COL7A1: variants seen among roughly 807,000 people sequenced by gnomAD.
The protein encoded by COL7A1 is collagen type VII alpha 1 chain.
A neutral mutation model predicts 456.2 loss-of-function variants in COL7A1; 296 were observed. That is an observed-to-expected ratio of 0.65 (90% CI 0.59 to 0.71). The LOEUF (loss-of-function observed/expected upper bound fraction) is 0.71. Ranked by LOEUF, COL7A1 falls within the 30% of genes least tolerant of loss-of-function variation. The pLI, the probability that COL7A1 is intolerant of heterozygous loss-of-function variation, is 0.00. For synonymous variants in COL7A1, 1,464 were observed against 1,525.9 expected, an observed-to-expected ratio of 0.96 and a Z score of 0.95; for missense variants, 3,441 against 4,017.2, an observed-to-expected ratio of 0.86 and a Z score of 3.88.
In COL7A1 at chr3:48,568,413, T is replaced by C; in HGVS notation, c.7794+86A>G. 1 of 1,411,758 alleles carries C rather than the reference T, an allele frequency of 7.1e-7. No homozygotes were observed. The highest frequency in any genetic ancestry group is 9.8e-7 in the Non-Finnish European group (1 of 1,020,490). The allele number at this position is 1,411,758 out of a possible 1,614,324, so 87.5% of individuals were successfully genotyped here. ...ATGAGAGCACTGGGTCACTATAAGG[T>C]CAAAAGCTACCACACTGGTGGGACC... On this transcript the variant is annotated intron_variant, in intron 105 of 118. Transcript: ENST00000681320. This position sits in a 1 kb window ranked among gnomAD's most constrained non-coding sequence, Gnocchi z 5.2.
intron 71 of COL7A1, 24 bp downstream of exon 71, chr3:48,576,225 G>A (rs760218941): frequency 5.0e-6 from 8 of 1,613,120 alleles, no homozygotes; most frequent in Non-Finnish European, 6.8e-6. Context: ...ACAGAGTCAA[G>A]GGGACATCCC....
In COL7A1 at chr3:48,567,710, C is replaced by T. The variant is rs1172416954; in HGVS notation, c.7983G>A (p.Met2661Ile). The change falls in exon 108 of 119, where the codon ATG becomes ATA. Residue 2661 changes from methionine to isoleucine, a missense_variant and splice_region_variant. By Grantham distance (10) the Met-to-Ile change is conservative. This residue lies in a region of COL7A1 where 2,084 missense variants were observed against 2,501.3 expected (regional missense o/e 0.83). Transcript: ENST00000681320. This position sits in a 1 kb window ranked among gnomAD's most constrained non-coding sequence, Gnocchi z 4.3. ...TCATTCTGAGCGTGCCCACACTCAC[C>T]ATCTCTCCTTTGTGTCCTGCCAGCC... ...RPGLAGHKGE[M>I]GEPGVPGQSG... 41 of 1,614,086 alleles carry T rather than the reference C, an allele frequency of 2.5e-5. No individual in the cohort carries two copies. Among genetic ancestry groups the T allele is most frequent in the Non-Finnish European group, 3.5e-5 (41 of 1,180,002 alleles).
intron 44 of COL7A1, 70 bp from the exon 45 acceptor site, chr3:48,582,723 G>A: frequency 6.5e-7 from 1 of 1,539,052 alleles, no homozygotes; most frequent in Admixed American, 1.7e-5. Flanking sequence ...AGGGCTAGAG[G>A]CTGGGGTGGG....
rs2043667790 is a variant in COL7A1 at position 48,567,687 on chromosome 3, A to G, written c.7983+23T>C. The G allele has an allele frequency of 6.2e-7, 1 of 1,613,076 alleles. No homozygotes were observed. The highest frequency in any genetic ancestry group is 8.5e-7 in the Non-Finnish European group (1 of 1,179,872). ...GCCCCCGTCCACCCGTGGCCCCCTC[A>G]TTCTGAGCGTGCCCACACTCACCAT... On this transcript the variant is annotated intron_variant, in intron 108 of 118. Transcript: ENST00000681320. This position sits in a 1 kb window ranked among gnomAD's most constrained non-coding sequence, Gnocchi z 4.3.
rs144023803 is a variant in COL7A1, at chr3:48,590,721, G to A, written c.1732C>T (p.Arg578Ter). The change falls in exon 14 of 119, where the codon CGA becomes TGA. Residue 578 changes from arginine to a stop codon, truncating the protein, a stop_gained. Coordinates refer to ENST00000681320, the MANE Select transcript of COL7A1 (RefSeq NM_000094.4). LOFTEE classifies it high-confidence loss of function. This position sits in a 1 kb window ranked among gnomAD's most constrained non-coding sequence, Gnocchi z 4.6. ...GLSYTVRVSARVGPREGSASV... is the reference protein window; with the variant it reads ...GLSYTVRVSA ...GCACTGCCCTCACGGGGACCCACTC[G>A]AGCAGACACCCGCACAGTGTAGCTA... is the stretch of plus-strand genomic sequence containing the variant. The A allele has an allele frequency of 1.2e-4, 188 of 1,613,898 alleles. No homozygotes were observed. The highest frequency in any genetic ancestry group is 1.5e-4 in the Non-Finnish European group (179 of 1,180,048).
chr3:48,584,810 G>A, intron 34 of COL7A1, 41 bp from the exon 35 acceptor site: 1 of 1,613,964 alleles, frequency 6.2e-7, no homozygotes, highest in Non-Finnish European at 8.5e-7. Context: ...TTGGGCTCAG[G>A]CGAATGTCAA....
At position 48,587,664 on chromosome 3, in the gene COL7A1, C is replaced by T; in HGVS notation, c.2858-110G>A. Reference sequence around the variant, plus strand: ...GTCTTATTGAAGCATCATGGGAGGTCATGCTGGGGTCACCCAGGGTCAGAG... The same window carrying T: ...GTCTTATTGAAGCATCATGGGAGGTTATGCTGGGGTCACCCAGGGTCAGAG... On this transcript the variant is annotated intron_variant, in intron 22 of 118. Transcript: ENST00000681320. This position sits in a 1 kb window ranked among gnomAD's most constrained non-coding sequence, Gnocchi z 6.1. The T allele has an allele frequency of 6.2e-7, 1 of 1,601,522 alleles. No homozygotes were observed. Among genetic ancestry groups the T allele is most frequent in the Non-Finnish European group, 8.5e-7 (1 of 1,169,824 alleles).
Position 48,564,366 on chromosome 3 carries a change from T to G in COL7A1, c.*40A>C, listed in dbSNP as rs886058627. The G allele has an allele frequency of 1.4e-5, 22 of 1,613,052 alleles. No homozygotes were observed. The highest frequency in any genetic ancestry group is 1.9e-5 in the Non-Finnish European group (22 of 1,179,262). The stretch of plus-strand genomic sequence containing the variant: ...AGTGGGGTTCTGCTGAGACCCCGAC[T>G]CCTCCAGGGGATGCTGAATCTCAGC... On this transcript the variant is annotated 3_prime_UTR_variant, in exon 119 of 119. Coordinates refer to ENST00000681320, the MANE Select transcript of COL7A1 (RefSeq NM_000094.4). The surrounding 1 kb of genome is among the most constrained non-coding windows in gnomAD (Gnocchi z 6.0).
Position 48,587,579 on chromosome 3 carries a change from G to A in COL7A1, c.2858-25C>T, listed in dbSNP as rs771793166. The A allele has an allele frequency of 6.2e-7, 1 of 1,613,380 alleles. No individual in the cohort carries two copies. On this transcript the variant is annotated intron_variant, in intron 22 of 118. Coordinates refer to ENST00000681320, the MANE Select transcript of COL7A1 (RefSeq NM_000094.4). The surrounding 1 kb of genome is among the most constrained non-coding windows in gnomAD (Gnocchi z 6.1). ...TCTGAAGGAGGAATGAAAGATCGAG[G>A]ATCAGAGGCTGAGTCCTGAGAACCC...
Position 48,585,069 on chromosome 3 carries a change from C to T in COL7A1, c.3942G>A (p.Gly1314=). The T allele has an allele frequency of 1.2e-6, 2 of 1,612,526 alleles. No homozygotes were observed. The highest frequency in any genetic ancestry group is 1.7e-5 in the Admixed American group (1 of 60,014). Residue 1314 remains glycine (G), a synonymous_variant, in exon 33 of 119, where the codon GGG becomes GGA. Coordinates refer to ENST00000681320, the MANE Select transcript of COL7A1 (RefSeq NM_000094.4). The surrounding 1 kb of genome is among the most constrained non-coding windows in gnomAD (Gnocchi z 4.5). ...DGRPGSPGRA[G]NPGTPGAPGL... is the part of the protein sequence containing the mutation. ...CAGGGGCTCCAGGGGTCCCAGGATT[C>T]CCGGCGCGGCCAGGGCTGCCTGGAC... is the stretch of plus-strand genomic sequence containing the variant.
intron 37 of COL7A1, 86 bp downstream of exon 37, chr3:48,584,212 A>G: frequency 1.3e-6 from 2 of 1,541,070 alleles, no homozygotes; most frequent in Non-Finnish European, 1.8e-6. Context: ...AAAGGGTCAC[A>G]AGGGCCAGAG....
rs2043589230 is a variant in COL7A1 at position 48,566,006 on chromosome 3, G to C, written c.8407+261C>G. Among the ~76,000 whole-genome samples, 1 of 152,110 alleles carries C rather than the reference G, an allele frequency of 6.6e-6. No homozygotes were observed. The highest frequency in any genetic ancestry group is 2.1e-4 in the South Asian group (1 of 4,828). ...GTCCAGGTCAGGCCCAAGGGGACCA[G>C]CTCTGCTCCCACCATCATCCCACTC... On this transcript the variant is annotated intron_variant, in intron 114 of 118. Coordinates refer to ENST00000681320, the MANE Select transcript of COL7A1 (RefSeq NM_000094.4). The surrounding 1 kb of genome is among the most constrained non-coding windows in gnomAD (Gnocchi z 5.9).
Position 48,592,166 on chromosome 3 carries a change from C to T in COL7A1, c.1176G>A (p.Glu392=), listed in dbSNP as rs1362408873. 2 of 1,614,128 alleles carry T rather than the reference C, an allele frequency of 1.2e-6. No individual in the cohort carries two copies. Among genetic ancestry groups the T allele is most frequent in the South Asian group, 2.2e-5 (2 of 91,084 alleles). Reference sequence around the variant, plus strand: ...GGCCAAATAGGGTGCTCACGGTCACCTCATAGTCCGTGCCAGGCTCCAAGT... The same window carrying T: ...GGCCAAATAGGGTGCTCACGGTCACTTCATAGTCCGTGCCAGGCTCCAAGT... The part of the protein sequence containing the change: ...LRDLEPGTDY[E]VTVSTLFGRS... Residue 392 remains glutamate (E), a synonymous_variant, in exon 10 of 119, where the codon GAG becomes GAA. Transcript: ENST00000681320. This position sits in a 1 kb window ranked among gnomAD's most constrained non-coding sequence, Gnocchi z 7.6.
rs752576880 is a variant in COL7A1 at position 48,578,425 on chromosome 3, AG to A, written c.5487+27del. ...TCGGGTGAGGGTAGTAAGGGGGAAA[AG>A]GGGGTAACATGAAAGTCTGGTCTCA... is the stretch of plus-strand genomic sequence containing the variant. On this transcript the variant is annotated intron_variant, in intron 64 of 118. Coordinates refer to ENST00000681320, the MANE Select transcript of COL7A1 (RefSeq NM_000094.4). The surrounding 1 kb of genome is among the most constrained non-coding windows in gnomAD (Gnocchi z 4.7). The A allele has an allele frequency of 3.1e-6, 5 of 1,613,394 alleles. No homozygotes were observed. Among genetic ancestry groups the A allele is most frequent in the South Asian group, 2.2e-5 (2 of 91,056 alleles).
chr3:48,576,815 A>T, intron 67 of COL7A1, 44 bp from the exon 68 acceptor site: 1 of 1,613,952 alleles, frequency 6.2e-7, no homozygotes, highest in African/African-American at 1.3e-5. Flanking sequence ...GACCTCAGAA[A>T]AGAGTGGAGT....
rs889224076 is a variant in COL7A1, at chr3:48,592,537, T to A, written c.976+33A>T. ...GGGGGTACTGGGGTCGGGGGTTAGG[T>A]GAATGGGGTCAGAGGCTGGCAGAAT... On this transcript the variant is annotated intron_variant, in intron 8 of 118. Transcript: ENST00000681320. This position sits in a 1 kb window ranked among gnomAD's most constrained non-coding sequence, Gnocchi z 7.6. 6.2e-7 allele frequency: 1 copy of A among 1,612,902 alleles called. No individual in the cohort carries two copies. The highest frequency in any genetic ancestry group is 8.5e-7 in the Non-Finnish European group (1 of 1,179,768).
At chr3:48,582,234 T>G in intron 47 of COL7A1, 89 bp downstream of exon 47, 2 of 1,606,844 alleles carry the variant, frequency 1.2e-6, no homozygotes, top group East Asian at 4.5e-5. Context: ...GGCCCAGCAC[T>G]GTGGAATCAC....
chr3:48,573,107 TGA>T lies in COL7A1; in HGVS notation c.6715-53_6715-52del. On this transcript the variant is annotated intron_variant, in intron 85 of 118. Coordinates refer to ENST00000681320, the MANE Select transcript of COL7A1 (RefSeq NM_000094.4). The surrounding 1 kb of genome is among the most constrained non-coding windows in gnomAD (Gnocchi z 5.5). ...GGGTGACAATGGACACAGGACGACA[TGA>T]GAGAACATGGGCCCCAAGGAGTGAA... 6.2e-7 allele frequency: 1 copy of T among 1,613,942 alleles called. No homozygotes were observed. The highest frequency in any genetic ancestry group is 2.2e-5 in the East Asian group (1 of 44,860).
chr3:48,580,364 A>T lies in COL7A1; in HGVS notation c.5053-20T>A. 6.2e-7 allele frequency: 1 copy of T among 1,606,780 alleles called. No individual in the cohort carries two copies. Among genetic ancestry groups the T allele is most frequent in the East Asian group, 2.2e-5 (1 of 44,644 alleles). On this transcript the variant is annotated intron_variant, in intron 55 of 118. Transcript: ENST00000681320. The surrounding 1 kb of genome is among the most constrained non-coding windows in gnomAD (Gnocchi z 4.5). ...GCTGCCCTGCAGAAAGGCAGGGGTC[A>T]GGGCCACTCAAGGTAGGCAGCAGTT...
Sources: gnomAD v4.1 joint callset for allele counts (sites outside exome capture counted in the v4.1 genomes callset) on GRCh38, gnomAD v4.1.1 for gene constraint, gnomAD v4.1.1 regional missense constraint, Gnocchi (gnomAD v3.1) non-coding constraint, MANE v1.5 for transcripts, NCBI Gene and HGNC (gene_info 2026-07-23, HGNC 2026-07-21) for gene names.